The following MTO1 variants were observed in gnomAD, a reference collection of about 807,000 sequenced individuals.
MTO1 encodes 5-taurinomethyluridine-[tRNA] synthase subunit MTO1, mitochondrial.
MTO1 carries 46 observed loss-of-function variants against 71.6 expected under a neutral mutation model. The ratio of observed to expected loss-of-function variants is 0.64; its 90% confidence interval spans 0.51 to 0.82. The LOEUF (loss-of-function observed/expected upper bound fraction) is 0.82. Ranked by LOEUF, MTO1 falls within the 40% of genes least tolerant of loss-of-function variation. MTO1 has a pLI of 0.00. For synonymous variants in MTO1, 297 were observed against 312.1 expected, an observed-to-expected ratio of 0.95 and a Z score of 0.51; for missense variants, 773 against 867.5, an observed-to-expected ratio of 0.89 and a Z score of 1.37.
chr6:73,485,821 A>T lies in MTO1; in HGVS notation c.1637+3201A>T, dbSNP rs1027537303. ...GATTTTAAAATCCGGTTAAAAATAC[A>T]CTTGCTGCATACATGCCAGACTATG... On this transcript the variant is annotated intron_variant, in intron 9 of 11. Coordinates refer to ENST00000498286, the MANE Select transcript of MTO1 (RefSeq NM_012123.4). Among the ~76,000 whole-genome samples, 21 of 152,328 alleles carry T rather than the reference A, an allele frequency of 1.4e-4. 1 individual carries two copies. Among genetic ancestry groups the T allele is most frequent in the Admixed American group, 1.2e-3 (18 of 15,288 alleles).
At chr6:73,468,397 G>C (rs574627236) in intron 3 of MTO1, among the ~76,000 whole-genome samples, 53 of 152,078 alleles carry the variant, frequency 3.5e-4, no homozygotes, top group African/African-American at 1.3e-3. Context: ...GGGATTACAG[G>C]CATGAGCACT....
In MTO1 at chr6:73,505,833, G is replaced by A. The variant is rs952931784; in HGVS notation, c.*5098G>A. On this transcript the variant is annotated 3_prime_UTR_variant, in exon 12 of 12. Transcript: ENST00000498286. ...CCCAAAGTGCTGGGATTACAGGGGTGAGCCACCATGCCCAGTCCAGAATTT... is the reference window on the plus strand; with the variant it reads ...CCCAAAGTGCTGGGATTACAGGGGTAAGCCACCATGCCCAGTCCAGAATTT... The A allele has an allele frequency of 6.6e-6, 1 of 152,148 alleles. No individual in the cohort carries two copies. The highest frequency in any genetic ancestry group is 1.5e-5 in the Non-Finnish European group (1 of 68,050). 9.4% of individuals were successfully genotyped at this position (152,148 alleles called of 1,614,324 possible). A position where few individuals can be genotyped will look rare whatever the true frequency, so the allele number is the denominator to read the frequency against.
chr6:73,491,637 A>G (rs993795113), intron 9 of MTO1, among the ~76,000 whole-genome samples: 1 of 152,184 alleles, frequency 6.6e-6, no homozygotes, highest in Non-Finnish European at 1.5e-5. Context: ...GTGCTTAGGG[A>G]ATTCAGTGAA....
At chr6:73,499,131 A>T (rs554684579) in intron 11 of MTO1, among the ~76,000 whole-genome samples, 1 of 152,244 alleles carries the variant, frequency 6.6e-6, no homozygotes, top group Non-Finnish European at 1.5e-5. Context: ...ACAAAAATAT[A>T]GACTGTAGAA....
At chr6:73,499,822 G>A (rs1335173264) in intron 11 of MTO1, among the ~76,000 whole-genome samples, 1 of 152,166 alleles carries the variant, frequency 6.6e-6, no homozygotes, top group African/African-American at 2.4e-5. Flanking sequence ...AGGCTATATG[G>A]TCTTTATACT....
At chr6:73,467,732 A>G (rs1358720502) in intron 3 of MTO1, among the ~76,000 whole-genome samples, 1 of 152,124 alleles carries the variant, frequency 6.6e-6, no homozygotes, top group East Asian at 1.9e-4. Context: ...CACTTATTGT[A>G]TATACTTCCA....
chr6:73,494,567 C>T (rs986180391), intron 10 of MTO1, among the ~76,000 whole-genome samples: 10 of 151,508 alleles, frequency 6.6e-5, no homozygotes, highest in African/African-American at 2.4e-4. Flanking sequence ...ACCTCCACCT[C>T]CTGGGTTCAA....
intron 10 of MTO1, among the ~76,000 whole-genome samples, chr6:73,497,154 A>ATTTTTTTTT (rs1249968654): frequency 3.3e-5 from 1 of 30,358 alleles, no homozygotes. Context: ...GCGGAAGCAA[A>ATTTTTTTTT]TTCTTTTTTT....
intron 10 of MTO1, among the ~76,000 whole-genome samples, chr6:73,493,551 C>G (rs1029177238): frequency 6.6e-6 from 1 of 151,528 alleles, no homozygotes; most frequent in African/African-American, 2.4e-5. Context: ...CCACAAGGCC[C>G]GGCAAATTTT....
chr6:73,486,113 A>G lies in MTO1; in HGVS notation c.1637+3493A>G, dbSNP rs532830133. Among the ~76,000 whole-genome samples the G allele has an allele frequency of 1.1e-4, 17 of 152,294 alleles. No homozygotes were observed. In the South Asian group the frequency reaches 1.5e-3, roughly 13 times the overall value. ...ATTCAAAGCAGTTCTTGAAGTTTGG[A>G]GTTGAGAATAGCTCAAAGCCTTGTG... On this transcript the variant is annotated intron_variant, in intron 9 of 11. Transcript: ENST00000498286.
chr6:73,490,278 G>A (rs927095014), intron 9 of MTO1, among the ~76,000 whole-genome samples: 5 of 152,028 alleles, frequency 3.3e-5, no homozygotes, highest in Non-Finnish European at 7.4e-5. Flanking sequence ...TGCTGTGTAT[G>A]AGCTCTTTAG....
chr6:73,464,850 A>AC (rs1770938365), intron 1 of MTO1, among the ~76,000 whole-genome samples: 1 of 150,020 alleles, frequency 6.7e-6, no homozygotes, highest in African/African-American at 2.4e-5. Context: ...AAAAAAAAAA[A>AC]AAAAAAAAAA....
intron 7 of MTO1, 91 bp downstream of exon 7, chr6:73,480,896 T>TA: frequency 7.2e-7 from 1 of 1,379,660 alleles, no homozygotes; most frequent in Middle Eastern, 1.8e-4. Context: ...ATGTAGATCT[T>TA]AGATACAATT....
At chr6:73,494,720 C>T (rs1771934254) in intron 10 of MTO1, among the ~76,000 whole-genome samples, 1 of 151,188 alleles carries the variant, frequency 6.6e-6, no homozygotes, top group African/African-American at 2.4e-5. Context: ...AGGTGATCCA[C>T]CCGCCTCGGC....
chr6:73,497,209 A>G (rs1205812373), intron 10 of MTO1, among the ~76,000 whole-genome samples: 44 of 116,640 alleles, frequency 3.8e-4, no homozygotes, highest in African/African-American at 1.4e-3. Context: ...CTGGAGTGCA[A>G]TAGCGCTATA....
chr6:73,494,528 T>G (rs572404129), intron 10 of MTO1, among the ~76,000 whole-genome samples: 1 of 150,684 alleles, frequency 6.6e-6, no homozygotes, highest in African/African-American at 2.4e-5. Context: ...CCAGGCTGGA[T>G]TCCAGTGGCG....
rs372842922 is a variant in MTO1 at position 73,482,481 on chromosome 6, C to T, written c.1498C>T (p.Arg500Ter). The T allele has an allele frequency of 1.4e-5, 22 of 1,613,012 alleles. No individual in the cohort carries two copies. The highest frequency in any genetic ancestry group is 6.7e-5 in the East Asian group (3 of 44,898). The change falls in exon 9 of 12, where the codon CGA becomes TGA. Residue 500 changes from arginine to a stop codon, truncating the protein, a stop_gained. Transcript: ENST00000498286. LOFTEE classifies it high-confidence loss of function. ...AGACGCTGGCTGTGTGTCCCAACAA[C>T]GATATGAAAGAGCTTGTTGGATGAA... ...YKDAGCVSQQRYERACWMKSS... is the reference protein window; with the variant it reads ...YKDAGCVSQQ
At chr6:73,491,850 C>T (rs1387743167) in intron 9 of MTO1, among the ~76,000 whole-genome samples, 2 of 152,156 alleles carry the variant, frequency 1.3e-5, no homozygotes, top group Admixed American at 6.6e-5. Context: ...GGCGCAGTGG[C>T]TTATGCCTGT....
intron 9 of MTO1, chr6:73,487,913 T>G (rs1771700835): frequency 6.6e-6 from 1 of 152,034 alleles, no homozygotes; most frequent in Non-Finnish European, 1.5e-5. Flanking sequence ...GGAACTGTTT[T>G]CTATCGTGAT....
Sources: gnomAD v4.1 joint callset for allele counts (sites outside exome capture counted in the v4.1 genomes callset) on GRCh38, gnomAD v4.1.1 for gene constraint, MANE v1.5 for transcripts, NCBI Gene and HGNC (gene_info 2026-07-23, HGNC 2026-07-21) for gene names.